COL14A1: variants seen among roughly 807,000 people sequenced by gnomAD.
The protein encoded by COL14A1 is collagen type XIV alpha 1 chain.
In COL14A1, 136 loss-of-function variants were observed where a neutral mutation model predicts 230.3. The ratio of observed to expected loss-of-function variants is 0.59; its 90% CI spans 0.51 to 0.68. The LOEUF is 0.68. Ranked by LOEUF, COL14A1 falls within the 30% of genes least tolerant of loss-of-function variation. The pLI, the probability that COL14A1 is intolerant of heterozygous loss-of-function variation, is 0.00. For synonymous variants in COL14A1, 792 were observed against 784.1 expected (o/e 1.01, Z -0.17); for missense variants, 1,976 against 2,215.8 (o/e 0.89, Z 2.17).
intron 41 of COL14A1, 98 bp from the exon 42 acceptor site, chr8:120,332,566 A>T: frequency 1.0e-6 from 1 of 978,844 alleles, no homozygotes; most frequent in Non-Finnish European, 1.6e-6. Flanking sequence ...GAGGGAAGCT[A>T]TCATGGTGTG....
intron 36 of COL14A1, among the ~76,000 whole-genome samples, chr8:120,308,403 G>T (rs150554792): frequency 2.6e-5 from 4 of 152,320 alleles, no homozygotes; most frequent in African/African-American, 7.2e-5. Context: ...CAACAGTTAA[G>T]AATGAATTAG....
intron 23 of COL14A1, among the ~76,000 whole-genome samples, chr8:120,256,823 C>A (rs1307192309): frequency 1.3e-5 from 2 of 152,082 alleles, no homozygotes; most frequent in Admixed American, 1.3e-4. Flanking sequence ...GTAATAATCA[C>A]CCTCCCAAAC....
At chr8:120,226,312 A>G (rs930121352) in intron 15 of COL14A1, among the ~76,000 whole-genome samples, 1 of 152,174 alleles carries the variant, frequency 6.6e-6, no homozygotes, top group Non-Finnish European at 1.5e-5. Context: ...ATATTTAAAA[A>G]AAAAATGAAT....
chr8:120,196,684 A>G (rs1240664028), intron 5 of COL14A1, 107 bp from the exon 6 acceptor site: 6 of 1,087,922 alleles, frequency 5.5e-6, no homozygotes, highest in Non-Finnish European at 6.5e-6. Context: ...TCCTACGGGA[A>G]CTCTTTTGTA....
At chr8:120,252,297 C>T (rs993498003) in intron 22 of COL14A1, among the ~76,000 whole-genome samples, 1 of 152,156 alleles carries the variant, frequency 6.6e-6, no homozygotes, top group South Asian at 2.1e-4. Flanking sequence ...CACTGGAGCA[C>T]TGTATACTGT....
rs552869841 is a variant in COL14A1, at chr8:120,175,406, AT to A, written c.436+7164del. Among the ~76,000 whole-genome samples, 416 of 152,230 alleles carry A rather than the reference AT, an allele frequency of 2.7e-3. 5 individuals carry two copies. Among genetic ancestry groups the A allele is most frequent in the Admixed American group, 0.013 (203 of 15,274 alleles). On this transcript the variant is annotated intron_variant, in intron 5 of 47. Transcript: ENST00000297848. ...GCTTTTTTTTCCTTCTTTTTCAGTG[AT>A]TTTTAAAATTAAGATCACCAGCCTT...
At chr8:120,168,323 T>A in intron 5 of COL14A1, 76 bp downstream of exon 5, 1 of 1,047,744 alleles carries the variant, frequency 9.5e-7, no homozygotes, top group South Asian at 1.4e-5. Flanking sequence ...ACATGTGGGG[T>A]TGCTGGTCCC....
At chr8:120,296,953 T>A (rs1820548151) in intron 34 of COL14A1, among the ~76,000 whole-genome samples, 1 of 152,044 alleles carries the variant, frequency 6.6e-6, no homozygotes, top group Non-Finnish European at 1.5e-5. Flanking sequence ...TTTTAAAAAA[T>A]GTTTGTATCC....
At position 120,280,958 on chromosome 8, in the gene COL14A1, A is replaced by G. The variant is rs1307940363; in HGVS notation, c.3723A>G (p.Lys1241=). The part of the protein sequence containing the change: ...KMMEMFGLVE[K]DFSSVEGVSM... Reference sequence around the variant, plus strand: ...TGGAAATGTTTGGTTTGGTTGAAAAAGATTTTTCATCAGTGGAAGGGGTTT... The same window carrying G: ...TGGAAATGTTTGGTTTGGTTGAAAAGGATTTTTCATCAGTGGAAGGGGTTT... The change falls in exon 31 of 48, where the codon AAA becomes AAG. Residue 1241 remains lysine (K), a synonymous_variant. Coordinates refer to ENST00000297848, the MANE Select transcript of COL14A1 (RefSeq NM_021110.4). 2 of 1,609,872 alleles carry G rather than the reference A, an allele frequency of 1.2e-6. No individual in the cohort carries two copies. The highest frequency in any genetic ancestry group is 2.7e-5 in the African/African-American group (2 of 74,474).
At chr8:120,213,836 A>C in intron 13 of COL14A1, 1 of 314,108 alleles carries the variant, frequency 3.2e-6, no homozygotes, top group Non-Finnish European at 6.1e-6. Flanking sequence ...CTATTCTATT[A>C]TATTGCCAAA....
intron 42 of COL14A1, among the ~76,000 whole-genome samples, chr8:120,335,639 G>T (rs1274667849): frequency 1.3e-5 from 2 of 152,198 alleles, no homozygotes; most frequent in Non-Finnish European, 1.5e-5. Context: ...AGAGGGACAG[G>T]CTGCACCGCT....
chr8:120,344,174 AG>A (rs1822416040), intron 44 of COL14A1, among the ~76,000 whole-genome samples: 1 of 152,216 alleles, frequency 6.6e-6, no homozygotes, highest in African/African-American at 2.4e-5. Context: ...GAAATCAAAA[AG>A]GTTGTATGCA....
chr8:120,143,274 C>A (rs1563632732), intron 1 of COL14A1, among the ~76,000 whole-genome samples: 3 of 152,252 alleles, frequency 2.0e-5, no homozygotes, highest in African/African-American at 7.2e-5. Context: ...CAGTATCTCT[C>A]AAAAGAACAG....
At position 120,321,625 on chromosome 8, in the gene COL14A1, A is replaced by G. The variant is rs1224903642; in HGVS notation, c.4659+5628A>G. On this transcript the variant is annotated intron_variant, in intron 40 of 47. Transcript: ENST00000297848. ...ACCACTGCACTCCAGCCTGGGCGAC[A>G]GAACAAGACTTGTCTCAGAAAAAAA... 9.7e-5 allele frequency among the ~76,000 whole-genome samples: 14 copies of G among 143,816 alleles called. No individual in the cohort carries two copies. The South Asian group carries it at 3.0e-3, about 31-fold the overall frequency. The allele number at this position is 143,816 out of a possible 152,430, so 94.3% of individuals were successfully genotyped here.
At chr8:120,359,239 CT>C (rs1216700343) in intron 45 of COL14A1, among the ~76,000 whole-genome samples, 6 of 152,148 alleles carry the variant, frequency 3.9e-5, no homozygotes, top group African/African-American at 1.4e-4. Flanking sequence ...CCCCAACCCC[CT>C]GACAGCCCCC....
intron 5 of COL14A1, among the ~76,000 whole-genome samples, chr8:120,181,013 A>G (rs555075218): frequency 6.6e-6 from 1 of 152,250 alleles, no homozygotes; most frequent in South Asian, 2.1e-4. Context: ...TGGGCTATGA[A>G]GCCTTTTTTA....
intron 2 of COL14A1, among the ~76,000 whole-genome samples, chr8:120,155,451 C>G (rs1157004250): frequency 2.6e-5 from 4 of 152,100 alleles, no homozygotes; most frequent in Non-Finnish European, 5.9e-5. Flanking sequence ...GGGCTATAAA[C>G]TCAGATGACA....
At chr8:120,313,034 G>C (rs963532027) in intron 37 of COL14A1, among the ~76,000 whole-genome samples, 1 of 152,174 alleles carries the variant, frequency 6.6e-6, no homozygotes, top group African/African-American at 2.4e-5. Context: ...ACAGAAATAA[G>C]GGTAAAAGGG....
chr8:120,250,836 C>CT (rs1586804474), intron 22 of COL14A1, 70 bp downstream of exon 22: 1 of 1,553,950 alleles, frequency 6.4e-7, no homozygotes, highest in East Asian at 2.3e-5. Context: ...GAGATGGAGT[C>CT]TCGCTCTGTC....
Sources: gnomAD v4.1 joint callset for allele counts (sites outside exome capture counted in the v4.1 genomes callset) on GRCh38, gnomAD v4.1.1 for gene constraint, MANE v1.5 for transcripts, NCBI Gene and HGNC (gene_info 2026-07-23, HGNC 2026-07-21) for gene names.